Variants in RSRC1 observed in about 807,000 individuals in gnomAD.
RSRC1 encodes the protein serine/Arginine-related protein 53.
A neutral mutation model predicts 49.1 loss-of-function variants in RSRC1; 39 were observed. The observed-to-expected ratio is 0.79, with a 90% CI of 0.61 to 1.04. RSRC1 has a LOEUF of 1.04. RSRC1 is among the 50% of genes least tolerant of loss of function. The probability of loss-of-function intolerance (pLI) is 0.00; values close to 1 mark genes in which losing one functional copy is unlikely to be tolerated. For synonymous variants in RSRC1, 143 were observed against 130.8 expected, an observed-to-expected ratio of 1.09 and a Z score of -0.63; for missense variants, 388 against 402.4, an observed-to-expected ratio of 0.96 and a Z score of 0.31.
intron 4 of RSRC1, among the ~76,000 whole-genome samples, chr3:158,289,924 T>TATCCATCCATCCATCCATCC (rs138336070): frequency 1.6e-4 from 24 of 149,902 alleles, no homozygotes; most frequent in African/African-American, 5.4e-4. Flanking sequence ...TCTATCTTTC[T>TATCCATCCATCCATCCATCC]ATCCATCCAT....
In RSRC1 at chr3:158,471,104, A is replaced by C. The variant is rs956282690; in HGVS notation, c.652+10101A>C. ...AGAAGATGCATGAAATGCTGGCCCT[A>C]GCCCCAAGAGGCAATGTGTTACTGA... On this transcript the variant is annotated intron_variant, in intron 7 of 9. Coordinates refer to ENST00000611884, the MANE Select transcript of RSRC1 (RefSeq NM_001271838.2). Among the ~76,000 whole-genome samples the C allele has an allele frequency of 7.9e-5, 12 of 152,366 alleles. No homozygotes were observed. In the East Asian group the frequency reaches 2.3e-3, roughly 29 times the overall value.
intron 5 of RSRC1, chr3:158,303,660 C>T (rs979650076): frequency 6.6e-6 from 1 of 152,102 alleles, no homozygotes; most frequent in Non-Finnish European, 1.5e-5. Flanking sequence ...ATGAAGAAGG[C>T]CTTCTGAATC....
intron 4 of RSRC1, among the ~76,000 whole-genome samples, chr3:158,258,346 T>TTTG (rs914033825): frequency 1.3e-5 from 2 of 151,826 alleles, no homozygotes; most frequent in African/African-American, 4.8e-5. Context: ...AAGTTTTTTT[T>TTTG]TTGTTGTTGT....
chr3:158,250,765 A>T (rs1724164147), intron 4 of RSRC1, among the ~76,000 whole-genome samples: 1 of 152,096 alleles, frequency 6.6e-6, no homozygotes, highest in African/African-American at 2.4e-5. Flanking sequence ...TGGGATGCAG[A>T]TATTTTCCCA....
At position 158,358,709 on chromosome 3, in the gene RSRC1, T is replaced by A. The variant is rs373947221; in HGVS notation, c.583+3801T>A. Among the ~76,000 whole-genome samples the A allele has an allele frequency of 2.0e-5, 3 of 152,178 alleles. No homozygotes were observed. The East Asian group carries it at 5.8e-4, about 29-fold the overall frequency. On this transcript the variant is annotated intron_variant, in intron 6 of 9. Coordinates refer to ENST00000611884, the MANE Select transcript of RSRC1 (RefSeq NM_001271838.2). ...CATCAATTCTATCTAGTTCTAAACA[T>A]TGCAATCACTCCAGAGTGAAACCGC...
intron 7 of RSRC1, among the ~76,000 whole-genome samples, chr3:158,509,459 T>C (rs1232501403): frequency 6.6e-6 from 1 of 152,190 alleles, no homozygotes; most frequent in Non-Finnish European, 1.5e-5. Context: ...GAATTCTCTC[T>C]ATGCTTTCAC....
intron 3 of RSRC1, among the ~76,000 whole-genome samples, chr3:158,140,028 A>G (rs1251071140): frequency 6.6e-6 from 1 of 152,178 alleles, no homozygotes; most frequent in Non-Finnish European, 1.5e-5. Flanking sequence ...GTTGAAATAC[A>G]TGGTAAATTT....
chr3:158,434,249 A>G (rs887875324), intron 6 of RSRC1, among the ~76,000 whole-genome samples: 3 of 151,988 alleles, frequency 2.0e-5, no homozygotes, highest in Non-Finnish European at 4.4e-5. Flanking sequence ...GTAATTTGCT[A>G]GCAATTTTCA....
In RSRC1 at chr3:158,122,067, T is replaced by C. The variant is rs779852585; in HGVS notation, c.-2-36T>C. The C allele has an allele frequency of 2.0e-5, 25 of 1,261,096 alleles. No homozygotes were observed. In the South Asian group the frequency reaches 3.5e-4, roughly 18 times the overall value. The allele number at this position is 1,261,096 out of a possible 1,614,324, so 78.1% of individuals were successfully genotyped here. ...TTGCATTTCATCCATTGTGCCACCA[T>C]GTTAGAAATAATATTCTTCAAATTT... On this transcript the variant is annotated intron_variant, in intron 1 of 9. Transcript: ENST00000611884.
At chr3:158,194,054 T>TACACACACACACACACACAC (rs10530687) in intron 3 of RSRC1, among the ~76,000 whole-genome samples, 15 of 144,172 alleles carry the variant, frequency 1.0e-4, no homozygotes, top group African/African-American at 3.9e-4. Flanking sequence ...ACCCCGTCTA[T>TACACACACACACACACACAC]ACACACACAC....
At chr3:158,388,338 A>C (rs891373049) in intron 6 of RSRC1, among the ~76,000 whole-genome samples, 1 of 152,078 alleles carries the variant, frequency 6.6e-6, no homozygotes, top group African/African-American at 2.4e-5. Flanking sequence ...ATATATTAAC[A>C]GTAATATTAC....
At chr3:158,507,759 G>A (rs1292469605) in intron 7 of RSRC1, among the ~76,000 whole-genome samples, 2 of 152,044 alleles carry the variant, frequency 1.3e-5, no homozygotes, top group African/African-American at 2.4e-5. Context: ...ATAAGAATTC[G>A]AATAATGTAC....
intron 6 of RSRC1, among the ~76,000 whole-genome samples, chr3:158,360,656 G>C (rs1330544423): frequency 6.6e-6 from 1 of 152,262 alleles, no homozygotes; most frequent in Non-Finnish European, 1.5e-5. Flanking sequence ...CATGCATGCA[G>C]TGTGCACATA....
At chr3:158,216,810 TTC>T (rs1410916078) in intron 4 of RSRC1, among the ~76,000 whole-genome samples, 1 of 151,766 alleles carries the variant, frequency 6.6e-6, no homozygotes, top group African/African-American at 2.4e-5. Flanking sequence ...CAAACCGTTG[TTC>T]GTCTGCTCTT....
intron 4 of RSRC1, among the ~76,000 whole-genome samples, chr3:158,267,719 A>G (rs1725270333): frequency 6.6e-6 from 1 of 151,742 alleles, no homozygotes; most frequent in Non-Finnish European, 1.5e-5. Context: ...GAGATTTCCC[A>G]TCCATTCATT....
chr3:158,145,011 T>A (rs1355822899), intron 3 of RSRC1, among the ~76,000 whole-genome samples: 1 of 152,186 alleles, frequency 6.6e-6, no homozygotes, highest in African/African-American at 2.4e-5. Flanking sequence ...GTTTGAGTTC[T>A]TTGTAGATTC....
intron 4 of RSRC1, among the ~76,000 whole-genome samples, chr3:158,223,909 C>T (rs1722366968): frequency 6.6e-6 from 1 of 151,632 alleles, no homozygotes; most frequent in South Asian, 2.1e-4. Context: ...GTTTTTACTT[C>T]AAGTGTAATC....
chr3:158,358,854 T>G (rs1432048168), intron 6 of RSRC1, among the ~76,000 whole-genome samples: 1 of 152,090 alleles, frequency 6.6e-6, no homozygotes, highest in Non-Finnish European at 1.5e-5. Context: ...CTATAATCTG[T>G]GACCTTGTGT....
chr3:158,425,204 C>G (rs553317945), intron 6 of RSRC1, among the ~76,000 whole-genome samples: 53 of 152,148 alleles, frequency 3.5e-4, no homozygotes, highest in Admixed American at 3.0e-3. Context: ...CCTGCTTTGT[C>G]TTGTGGGCAT....
Sources: gnomAD v4.1 joint callset for allele counts (sites outside exome capture counted in the v4.1 genomes callset) on GRCh38, gnomAD v4.1.1 for gene constraint, MANE v1.5 for transcripts, NCBI Gene and HGNC (gene_info 2026-07-23, HGNC 2026-07-21) for gene names.